The following TAF7L variants were observed in gnomAD, a reference collection of about 807,000 sequenced individuals.
The protein encoded by TAF7L is transcription initiation factor TFIID subunit 7-like.
TAF7L carries 6 observed loss-of-function variants against 30.2 expected under a neutral mutation model. That is an observed-to-expected ratio of 0.20 (90% CI 0.11 to 0.39). The LOEUF (loss-of-function observed/expected upper bound fraction) is 0.39, where lower values mean the gene tolerates loss of function less well. Ranked by LOEUF, TAF7L falls within the 10% of genes least tolerant of loss-of-function variation. The pLI is 1.00. For synonymous variants in TAF7L, 93 were observed against 94.5 expected, an observed-to-expected ratio of 0.98 and a Z score of 0.09; for missense variants, 284 against 277.1, an observed-to-expected ratio of 1.03 and a Z score of -0.18.
chrX:101,288,185 A>T (rs1269463225), intron 1 of TAF7L, among the ~76,000 whole-genome samples: 1 of 105,413 alleles, frequency 9.5e-6, no homozygotes, highest in Non-Finnish European at 1.9e-5. Flanking sequence ...TCTGTCGCCC[A>T]GGCTGGAGTG....
chrX:101,271,850 C>T (rs780983693), intron 12 of TAF7L, among the ~76,000 whole-genome samples: 1 of 112,144 alleles, frequency 8.9e-6, no homozygotes, highest in South Asian at 3.7e-4. Flanking sequence ...ACTGTACTTA[C>T]ATTGATGAAA....
chrX:101,291,345 C>T (rs1004531242), upstream of TAF7L: 8 of 738,658 alleles, frequency 1.1e-5, no homozygotes, highest in African/African-American at 2.3e-5. Flanking sequence ...GCTGGGCTGC[C>T]GGCGCCTGGA....
chrX:101,287,394 T>C, intron 2 of TAF7L, 84 bp downstream of exon 2: 1 of 771,016 alleles, frequency 1.3e-6, no homozygotes, highest in East Asian at 3.5e-5. Flanking sequence ...CTACCTGAAA[T>C]AGAAATGTCA....
chrX:101,292,533 G>A (rs1354558445), upstream of TAF7L, among the ~76,000 whole-genome samples: 1 of 105,314 alleles, frequency 9.5e-6, no homozygotes, highest in Non-Finnish European at 1.9e-5. Flanking sequence ...CGGTGACCTC[G>A]CCTAGTGACA....
At chrX:101,277,802 T>C in intron 8 of TAF7L, 83 bp from the exon 9 acceptor site, 2 of 714,833 alleles carry the variant, frequency 2.8e-6, no homozygotes, top group South Asian at 2.4e-5. Flanking sequence ...TGGCTAACAG[T>C]GCTATTTAAT....
intron 2 of TAF7L, among the ~76,000 whole-genome samples, chrX:101,286,888 A>G (rs1205358226): frequency 8.9e-6 from 1 of 112,176 alleles, no homozygotes; most frequent in Non-Finnish European, 1.9e-5. Context: ...TCCTAGCTCT[A>G]CAATCCTGCC....
chrX:101,292,265 T>TAAAATAAA (rs766457568), upstream of TAF7L, among the ~76,000 whole-genome samples: 1 of 85,659 alleles, frequency 1.2e-5, no homozygotes, highest in African/African-American at 4.6e-5. Context: ...ATAAAAAAAA[T>TAAAATAAA]AAATAAAAAT....
intron 11 of TAF7L, among the ~76,000 whole-genome samples, 171 bp from the exon 12 acceptor site, chrX:101,275,452 C>T (rs1474441833): frequency 3.6e-5 from 4 of 110,673 alleles, no homozygotes; most frequent in Non-Finnish European, 7.6e-5. Flanking sequence ...CATGCAACCT[C>T]CGCCTCCCAG....
rs149310333 is a variant in TAF7L at position 101,286,509 on chromosome X, A to G, written c.145+66T>C. On this transcript the variant is annotated intron_variant, in intron 3 of 12. Transcript: ENST00000356784. ...ACATCCTTAGTACCAAGTACAGTGT[A>G]TGGCACATAGCAATCCCTTAATAAA... The G allele has an allele frequency of 3.3e-4, 266 of 813,184 alleles. 1 individual carries two copies. In the African/African-American group the frequency reaches 5.0e-3, roughly 15 times the overall value. 67.0% of individuals were successfully genotyped at this position (813,184 alleles called of 1,213,427 possible).
chrX:101,271,330 T>C (rs1169391381), intron 12 of TAF7L, among the ~76,000 whole-genome samples: 1 of 111,668 alleles, frequency 9.0e-6, no homozygotes, highest in African/African-American at 3.3e-5. Flanking sequence ...GCGAACATGA[T>C]AGAACATACT....
At chrX:101,271,362 G>A (rs1923958812) in intron 12 of TAF7L, among the ~76,000 whole-genome samples, 1 of 111,770 alleles carries the variant, frequency 8.9e-6, no homozygotes, top group Non-Finnish European at 1.9e-5. Context: ...AGATAGTATA[G>A]CTTACTACAC....
intron 3 of TAF7L, among the ~76,000 whole-genome samples, chrX:101,285,703 T>C: frequency 9.1e-6 from 1 of 109,627 alleles, no homozygotes; most frequent in Non-Finnish European, 1.9e-5. Flanking sequence ...GAGCATTTTT[T>C]CATGAACCTT....
At chrX:101,292,696 C>T, upstream of TAF7L, 2 of 1,077,109 alleles carry the variant, frequency 1.9e-6, no homozygotes, top group Non-Finnish European at 2.5e-6. Flanking sequence ...TCAAGGGGGC[C>T]GCAATTCAAA....
chrX:101,283,969 G>C (rs1465957555), intron 3 of TAF7L, among the ~76,000 whole-genome samples: 1 of 109,013 alleles, frequency 9.2e-6, no homozygotes, highest in East Asian at 2.9e-4. Flanking sequence ...AAAGGGCTGG[G>C]TGAGGGAAGG....
At chrX:101,271,111 T>TA (rs1340922283) in intron 12 of TAF7L, among the ~76,000 whole-genome samples, 1 of 111,852 alleles carries the variant, frequency 8.9e-6, no homozygotes, top group Non-Finnish European at 1.9e-5. Context: ...GACTACATCA[T>TA]AAGCATATCA....
intron 7 of TAF7L, 70 bp from the exon 8 acceptor site, chrX:101,278,191 G>T: frequency 1.2e-6 from 1 of 839,810 alleles, no homozygotes; most frequent in Non-Finnish European, 1.8e-6. Context: ...TTGCAGGAGT[G>T]CCCTCCTACG....
At position 101,268,479 on chromosome X, in the gene TAF7L, G is replaced by GA. The variant is rs1923863558; in HGVS notation, c.*713_*714insT. 1 of 111,599 alleles carries GA rather than the reference G, an allele frequency of 9.0e-6. No homozygotes were observed. Among genetic ancestry groups the GA allele is most frequent in the Non-Finnish European group, 1.9e-5 (1 of 53,208 alleles). The allele number at this position is 111,599 out of a possible 1,213,427, so 9.2% of individuals were successfully genotyped here. ...TCTGCTCTAACTGTTCCCTTAGTTG[G>GA]TGAATAACAACCAGCTCCATCCTAA... On this transcript the variant is annotated 3_prime_UTR_variant, in exon 13 of 13. Coordinates refer to ENST00000356784, the MANE Select transcript of TAF7L (RefSeq NM_001168474.2).
At chrX:101,292,835 C>T (rs143224460), upstream of TAF7L, 32 of 1,208,982 alleles carry the variant, frequency 2.6e-5, no homozygotes, top group African/African-American at 4.6e-4. Flanking sequence ...GCAGCCTGGG[C>T]GCTGCTGTCC....
intron 1 of TAF7L, among the ~76,000 whole-genome samples, chrX:101,288,164 C>A (rs1924672223): frequency 9.5e-6 from 1 of 105,003 alleles, no homozygotes; most frequent in African/African-American, 3.5e-5. Flanking sequence ...TTTTTCAAGA[C>A]AGAGTCTCGC....
Sources: allele counts gnomAD v4.1 joint callset (sites outside exome capture counted in the v4.1 genomes callset), GRCh38; gene constraint gnomAD v4.1.1; transcripts MANE v1.5; gene names NCBI Gene and HGNC (gene_info 2026-07-23, HGNC 2026-07-21).